The following CDH4 variants were observed in gnomAD, a reference collection of about 807,000 sequenced individuals.
The protein encoded by CDH4 is cadherin-4.
In CDH4, 33 loss-of-function variants were observed where a neutral mutation model predicts 86.0. The observed-to-expected ratio is 0.38, with a 90% CI of 0.29 to 0.51. The LOEUF is 0.51. CDH4 is among the 20% of genes least tolerant of loss of function. The pLI is 0.86. For missense variants in CDH4, 1,114 were observed against 1,307.4 expected (o/e 0.85, Z 2.28); for synonymous variants, 555 against 549.4 (o/e 1.01, Z -0.14).
At chr20:61,394,614 C>T (rs1376334526) in intron 2 of CDH4, among the ~76,000 whole-genome samples, 1 of 151,686 alleles carries the variant, frequency 6.6e-6, no homozygotes, top group Non-Finnish European at 1.5e-5. Context: ...GGCCAGGGGA[C>T]AGCTGAGCAC....
chr20:61,557,378 C>T (rs997398220), intron 2 of CDH4, among the ~76,000 whole-genome samples: 3 of 152,194 alleles, frequency 2.0e-5, no homozygotes, highest in Admixed American at 2.0e-4. Context: ...CCAGAGTTTG[C>T]CGACCGTTGG....
chr20:61,473,867 C>A (rs1171514638), intron 2 of CDH4, among the ~76,000 whole-genome samples: 2 of 152,070 alleles, frequency 1.3e-5, no homozygotes, highest in Non-Finnish European at 1.5e-5. Context: ...CCTCTTTTTA[C>A]AGCCATGTCA....
At chr20:61,861,310 A>T (rs986632317) in intron 6 of CDH4, among the ~76,000 whole-genome samples, 1 of 152,346 alleles carries the variant, frequency 6.6e-6, no homozygotes, top group East Asian at 1.9e-4. Context: ...GCCAGGTGCC[A>T]GGCACCACTC....
At chr20:61,485,296 G>A (rs978473644) in intron 2 of CDH4, among the ~76,000 whole-genome samples, 1 of 152,138 alleles carries the variant, frequency 6.6e-6, no homozygotes, top group Non-Finnish European at 1.5e-5. Context: ...ACCCTCCAAC[G>A]CTTGGCTGGA....
Position 61,510,150 on chromosome 20 carries a change from A to T in CDH4, c.170-233413A>T, listed in dbSNP as rs1037443701. Among the ~76,000 whole-genome samples the T allele has an allele frequency of 7.9e-5, 12 of 152,110 alleles. No homozygotes were observed. The highest frequency in any genetic ancestry group is 2.9e-4 in the African/African-American group (12 of 41,424). ...TCATTTAAAGTTGTTTGAAAATCTG[A>T]TCAGAAAGAGCTTCAACCCGGAAAT... On this transcript the variant is annotated intron_variant, in intron 2 of 15. Transcript: ENST00000614565. This position sits in a 1 kb window ranked among gnomAD's most constrained non-coding sequence, Gnocchi z 4.2.
At chr20:61,416,499 A>G (rs1029315532) in intron 2 of CDH4, among the ~76,000 whole-genome samples, 1 of 152,232 alleles carries the variant, frequency 6.6e-6, no homozygotes, top group Admixed American at 6.5e-5. Flanking sequence ...GATAGTGACC[A>G]TCCTAATGGG....
At chr20:61,477,639 C>A (rs1402226090) in intron 2 of CDH4, among the ~76,000 whole-genome samples, 1 of 152,230 alleles carries the variant, frequency 6.6e-6, no homozygotes, top group African/African-American at 2.4e-5. Flanking sequence ...GGTTGACACA[C>A]AGTGAACCTG....
At chr20:61,604,588 G>A (rs1186763225) in intron 2 of CDH4, among the ~76,000 whole-genome samples, 1 of 151,888 alleles carries the variant, frequency 6.6e-6, no homozygotes, top group African/African-American at 2.4e-5. Flanking sequence ...GGAGGGAAGG[G>A]AAGTGAGGGG....
chr20:61,927,544 C>T (rs895555848), intron 11 of CDH4, among the ~76,000 whole-genome samples: 5 of 152,370 alleles, frequency 3.3e-5, no homozygotes, highest in East Asian at 1.9e-4. Context: ...AGTTCTTCCA[C>T]GCGATCATGC....
At chr20:61,434,098 G>C (rs1404376269) in intron 2 of CDH4, among the ~76,000 whole-genome samples, 1 of 152,140 alleles carries the variant, frequency 6.6e-6, no homozygotes, top group East Asian at 1.9e-4. Flanking sequence ...TGGGGCTCAT[G>C]ATACATATTA....
intron 2 of CDH4, among the ~76,000 whole-genome samples, chr20:61,556,818 G>C (rs2086181320): frequency 6.6e-6 from 1 of 152,146 alleles, no homozygotes; most frequent in South Asian, 2.1e-4. Flanking sequence ...CAGACAAGGA[G>C]GGTGAAAGGG....
intron 2 of CDH4, among the ~76,000 whole-genome samples, chr20:61,422,883 G>T (rs149821962): frequency 4.0e-4 from 61 of 152,282 alleles, no homozygotes; most frequent in African/African-American, 1.4e-3. Context: ...GGGAAGCCCC[G>T]CCCTCTTGTC....
At chr20:61,917,244 T>C (rs1020475724) in intron 9 of CDH4, among the ~76,000 whole-genome samples, 1 of 152,148 alleles carries the variant, frequency 6.6e-6, no homozygotes, top group Non-Finnish European at 1.5e-5. Flanking sequence ...GCTTCTCCGC[T>C]CTCAGGTCCC....
chr20:61,495,536 T>C (rs2145593577), intron 2 of CDH4, among the ~76,000 whole-genome samples: 1 of 152,242 alleles, frequency 6.6e-6, no homozygotes, highest in Admixed American at 6.5e-5. Flanking sequence ...GAATGGCCAC[T>C]TAAGAAACTG....
chr20:61,621,546 C>G (rs2145775344), intron 2 of CDH4, among the ~76,000 whole-genome samples: 1 of 152,268 alleles, frequency 6.6e-6, no homozygotes, highest in Admixed American at 6.5e-5. Context: ...CTCTGTCAGG[C>G]AGGGCTTTCA....
intron 2 of CDH4, among the ~76,000 whole-genome samples, chr20:61,531,242 C>G (rs557949676): frequency 2.0e-5 from 3 of 152,114 alleles, no homozygotes; most frequent in Non-Finnish European, 4.4e-5. Flanking sequence ...GAGGCCGAGA[C>G]AGGTGGATCA....
At chr20:61,881,372 G>A (rs898050564) in intron 7 of CDH4, among the ~76,000 whole-genome samples, 5 of 152,340 alleles carry the variant, frequency 3.3e-5, no homozygotes, top group Admixed American at 1.3e-4. Flanking sequence ...GTGTGGTCCC[G>A]GGCAGGGCTG....
At chr20:61,389,547 A>G (rs573648997) in intron 2 of CDH4, among the ~76,000 whole-genome samples, 1 of 152,282 alleles carries the variant, frequency 6.6e-6, no homozygotes, top group East Asian at 1.9e-4. Context: ...ATTGAATTTG[A>G]ATGTATGATT....
intron 9 of CDH4, among the ~76,000 whole-genome samples, chr20:61,910,883 G>A (rs540184876): frequency 6.6e-5 from 10 of 152,228 alleles, no homozygotes; most frequent in African/African-American, 1.4e-4. Flanking sequence ...AGTAATGGGC[G>A]AATTTCATTA....
Sources: gnomAD v4.1 joint callset for allele counts (sites outside exome capture counted in the v4.1 genomes callset) on GRCh38, gnomAD v4.1.1 for gene constraint, Gnocchi (gnomAD v3.1) non-coding constraint, MANE v1.5 for transcripts, NCBI Gene and HGNC (gene_info 2026-07-23, HGNC 2026-07-21) for gene names.